NET1: variants seen among roughly 807,000 people sequenced by gnomAD.
NET1 encodes the protein neuroepithelial cell-transforming gene 1 protein.
NET1 carries 42 observed loss-of-function variants against 61.1 expected under a neutral mutation model. The ratio of observed to expected loss-of-function variants is 0.69; its 90% CI spans 0.54 to 0.89. NET1 has a LOEUF of 0.89. Among genes scored for constraint, NET1 ranks in the 40% least tolerant of loss-of-function variants. The probability of loss-of-function intolerance (pLI) is 0.00; values close to 1 mark genes in which losing one functional copy is unlikely to be tolerated. For missense variants in NET1, 654 were observed against 747.3 expected (o/e 0.88, Z 1.46); for synonymous variants, 254 against 281.8 (o/e 0.90, Z 0.99).
chr10:5,431,408 T>C lies in NET1; in HGVS notation c.255+2179T>C, dbSNP rs1001089475. On this transcript the variant is annotated intron_variant, in intron 3 of 11. Transcript: ENST00000355029. The surrounding 1 kb of genome is among the most constrained non-coding windows in gnomAD (Gnocchi z 4.9). ...GATCCAGTGTGGGTTTTTTGGGCCATGTACTTACCTCAAAAAGTATGTAAT... is the reference window on the plus strand; with the variant it reads ...GATCCAGTGTGGGTTTTTTGGGCCACGTACTTACCTCAAAAAGTATGTAAT... Among the ~76,000 whole-genome samples the C allele has an allele frequency of 1.3e-5, 2 of 152,108 alleles. No individual in the cohort carries two copies. The highest frequency in any genetic ancestry group is 2.9e-5 in the Non-Finnish European group (2 of 68,014).
chr10:5,442,298 A>G (rs1252572314), intron 3 of NET1, among the ~76,000 whole-genome samples: 5 of 152,204 alleles, frequency 3.3e-5, no homozygotes, highest in Admixed American at 6.5e-5. Flanking sequence ...TGCCTGTAGT[A>G]TGGCTTCCCT....
In NET1 at chr10:5,416,363, T is replaced by G. The variant is rs1440310983; in HGVS notation, c.128+3543T>G. 6.6e-6 allele frequency among the ~76,000 whole-genome samples: 1 copy of G among 152,174 alleles called. No homozygotes were observed. Among genetic ancestry groups the G allele is most frequent in the Admixed American group, 6.5e-5 (1 of 15,274 alleles). On this transcript the variant is annotated intron_variant, in intron 1 of 11. Transcript: ENST00000355029. The surrounding 1 kb of genome is among the most constrained non-coding windows in gnomAD (Gnocchi z 6.1). ...TACTTTGTTCTTTTTTTCCCAAGAT[T>G]GTTGTGGCTATCCTGGGTCTCCTGC...
chr10:5,456,381 C>A lies in NET1; in HGVS notation c.1384+108C>A. 8.5e-7 allele frequency: 1 copy of A among 1,170,204 alleles called. No individual in the cohort carries two copies. Among genetic ancestry groups the A allele is most frequent in the South Asian group, 1.6e-5 (1 of 60,668 alleles). The allele number at this position is 1,170,204 out of a possible 1,614,324, so 72.5% of individuals were successfully genotyped here. ...GATGAAATGGCTCCATTGTCCTATA[C>A]TTGTTACATCCATTGAGTTGTCCAG... On this transcript the variant is annotated intron_variant, in intron 11 of 11. Coordinates refer to ENST00000355029, the MANE Select transcript of NET1 (RefSeq NM_001047160.3). This position sits in a 1 kb window ranked among gnomAD's most constrained non-coding sequence, Gnocchi z 7.0.
chr10:5,419,674 C>G (rs1342327335), intron 1 of NET1, among the ~76,000 whole-genome samples: 1 of 117,978 alleles, frequency 8.5e-6, no homozygotes, highest in Non-Finnish European at 1.8e-5. Context: ...AGTCCGCTAC[C>G]AACAAATTCT....
At chr10:5,428,098 TG>T (rs1449012580) in intron 2 of NET1, among the ~76,000 whole-genome samples, 51 of 149,340 alleles carry the variant, frequency 3.4e-4, no homozygotes, top group Non-Finnish European at 6.7e-4. Context: ...TGTTCAATTT[TG>T]ATTCAATTCC....
rs143292448 is a variant in NET1, at chr10:5,436,838, C to T, written c.255+7609C>T. On this transcript the variant is annotated intron_variant, in intron 3 of 11. Transcript: ENST00000355029. ...TACCTAGCTTACTGTTGCCCTCCAC[C>T]TGCACTTTGATTTAGCTATGATTTC... Among the ~76,000 whole-genome samples the T allele has an allele frequency of 8.7e-4, 133 of 152,248 alleles. 1 individual carries two copies. The East Asian group carries it at 0.019, about 21-fold the overall frequency.
Position 5,449,975 on chromosome 10 carries a change from G to A in NET1, c.256-1855G>A, listed in dbSNP as rs1832678275. 6.6e-6 allele frequency among the ~76,000 whole-genome samples: 1 copy of A among 152,156 alleles called. No homozygotes were observed. Among genetic ancestry groups the A allele is most frequent in the Admixed American group, 6.5e-5 (1 of 15,286 alleles). On this transcript the variant is annotated intron_variant, in intron 3 of 11. Coordinates refer to ENST00000355029, the MANE Select transcript of NET1 (RefSeq NM_001047160.3). This position sits in a 1 kb window ranked among gnomAD's most constrained non-coding sequence, Gnocchi z 4.4. ...ATGTCGGCATTTCTTACTCTGTGAG[G>A]TAATTCTATCTTCAGTCCAACAGGA...
chr10:5,455,193 C>A lies in NET1; in HGVS notation c.1197+75C>A. 1 of 1,447,854 alleles carries A rather than the reference C, an allele frequency of 6.9e-7. No homozygotes were observed. The highest frequency in any genetic ancestry group is 9.6e-7 in the Non-Finnish European group (1 of 1,039,566). The allele number at this position is 1,447,854 out of a possible 1,614,324, so 89.7% of individuals were successfully genotyped here. A position where few individuals can be genotyped will look rare whatever the true frequency, so the allele number is the denominator to read the frequency against. ...TAACTTTTACACGTTTGTTATGAAG[C>A]AGGCTTGTAAAGGGAAAGTCATGAC... is the stretch of plus-strand genomic sequence containing the variant. On this transcript the variant is annotated intron_variant, in intron 10 of 11. Coordinates refer to ENST00000355029, the MANE Select transcript of NET1 (RefSeq NM_001047160.3). This position sits in a 1 kb window ranked among gnomAD's most constrained non-coding sequence, Gnocchi z 6.5.
rs150700315 is a variant in NET1, at chr10:5,443,192, G to T, written c.256-8638G>T. ...TATGGGTTATCTTCATCTGGACAGTGTCACAACAGCTGAGCAGAACAGAGT... is the reference window on the plus strand; with the variant it reads ...TATGGGTTATCTTCATCTGGACAGTTTCACAACAGCTGAGCAGAACAGAGT... On this transcript the variant is annotated intron_variant, in intron 3 of 11. Transcript: ENST00000355029. This position sits in a 1 kb window ranked among gnomAD's most constrained non-coding sequence, Gnocchi z 4.8. Among the ~76,000 whole-genome samples the T allele has an allele frequency of 4.3e-3, 650 of 152,288 alleles. 6 individuals are homozygous for T. Among genetic ancestry groups the T allele is most frequent in the African/African-American group, 0.015 (625 of 41,544 alleles).
At chr10:5,436,045 A>G (rs1832423285) in intron 3 of NET1, among the ~76,000 whole-genome samples, 1 of 148,614 alleles carries the variant, frequency 6.7e-6, no homozygotes, top group Non-Finnish European at 1.5e-5. Context: ...TAACTCTGAT[A>G]GTTAGTGATT....
chr10:5,443,276 G>C lies in NET1; in HGVS notation c.256-8554G>C, dbSNP rs965833815. 2.6e-5 allele frequency among the ~76,000 whole-genome samples: 4 copies of C among 152,128 alleles called. No homozygotes were observed. The highest frequency in any genetic ancestry group is 9.7e-5 in the African/African-American group (4 of 41,406). ...ACCTTTGGACAAGTTTCTTAAACTT[G>C]GTCAGTCCTAGTTTCCTCCTTCTCT... On this transcript the variant is annotated intron_variant, in intron 3 of 11. Coordinates refer to ENST00000355029, the MANE Select transcript of NET1 (RefSeq NM_001047160.3). This position sits in a 1 kb window ranked among gnomAD's most constrained non-coding sequence, Gnocchi z 4.8.
rs928870017 is a variant in NET1, at chr10:5,420,096, G to GT, written c.129-6552dup. Among the ~76,000 whole-genome samples the GT allele has an allele frequency of 6.6e-6, 1 of 152,098 alleles. No individual in the cohort carries two copies. The highest frequency in any genetic ancestry group is 1.5e-5 in the Non-Finnish European group (1 of 67,998). The stretch of plus-strand genomic sequence containing the variant: ...AAGCTTCAGCCATTGTTTCTCTGAA[G>GT]TTTTTTTCTGCTCTTTTCTCTTTTC... On this transcript the variant is annotated intron_variant, in intron 1 of 11. Transcript: ENST00000355029. The surrounding 1 kb of genome is among the most constrained non-coding windows in gnomAD (Gnocchi z 5.3).
Position 5,426,493 on chromosome 10 carries a change from T to TTA in NET1, c.129-151_129-150dup, listed in dbSNP as rs1231653245. On this transcript the variant is annotated intron_variant, in intron 1 of 11. Coordinates refer to ENST00000355029, the MANE Select transcript of NET1 (RefSeq NM_001047160.3). The surrounding 1 kb of genome is among the most constrained non-coding windows in gnomAD (Gnocchi z 4.6). ...AACCTATACCCTGTTTGTTTGTTTT[T>TTA]TATATATATATAGACCATCTCTCAT... 6.6e-6 allele frequency among the ~76,000 whole-genome samples: 1 copy of TTA among 152,002 alleles called. No homozygotes were observed. Among genetic ancestry groups the TTA allele is most frequent in the African/African-American group, 2.4e-5 (1 of 41,398 alleles).
intron 3 of NET1, among the ~76,000 whole-genome samples, chr10:5,436,702 A>C (rs1176440213): frequency 1.3e-5 from 2 of 152,184 alleles, no homozygotes; most frequent in African/African-American, 4.8e-5. Context: ...TAACATTCCA[A>C]ATACCACTTT....
At chr10:5,419,076 A>G (rs1302138919) in intron 1 of NET1, among the ~76,000 whole-genome samples, 1 of 152,182 alleles carries the variant, frequency 6.6e-6, no homozygotes, top group Non-Finnish European at 1.5e-5. Context: ...ATATGCACAT[A>G]TGTTTGTAAT....
intron 3 of NET1, among the ~76,000 whole-genome samples, chr10:5,448,894 T>C (rs1832661840): frequency 6.6e-6 from 1 of 152,126 alleles, no homozygotes; most frequent in African/African-American, 2.4e-5. Context: ...TATCTAAATA[T>C]TGTATTAGGA....
At chr10:5,429,389 C>T (rs1301846896) in intron 3 of NET1, among the ~76,000 whole-genome samples, 160 bp downstream of exon 3, 6 of 151,940 alleles carry the variant, frequency 3.9e-5, no homozygotes, top group African/African-American at 4.8e-5. Context: ...TCATAGACAC[C>T]GTCTTTTTTG....
In NET1 at chr10:5,456,716, T is replaced by C. The variant is rs761104612; in HGVS notation, c.1513T>C (p.Ser505Pro). The C allele has an allele frequency of 6.2e-7, 1 of 1,614,156 alleles. No homozygotes were observed. Among genetic ancestry groups the C allele is most frequent in the Non-Finnish European group, 8.5e-7 (1 of 1,180,032 alleles). The change falls in exon 12 of 12, where the codon TCG (serine) becomes CCG (proline). Residue 505 changes from serine to proline, a missense_variant. Physicochemically the swap from Ser to Pro is moderately conservative, Grantham distance 74. Coordinates refer to ENST00000355029, the MANE Select transcript of NET1 (RefSeq NM_001047160.3). The surrounding 1 kb of genome is among the most constrained non-coding windows in gnomAD (Gnocchi z 7.0). ...TCGAGCGGCCATTGCCCCCTTCCAG[T>C]CGGCAGGCAGTCCACCTGAGCTGCA... ...CIRAAIAPFQ[S>P]AGSPPELQGL...
At chr10:5,434,895 A>G (rs1345811848) in intron 3 of NET1, among the ~76,000 whole-genome samples, 1 of 152,114 alleles carries the variant, frequency 6.6e-6, no homozygotes, top group Non-Finnish European at 1.5e-5. Flanking sequence ...TAAAATATTA[A>G]TATCCTCATC....
Sources: allele counts gnomAD v4.1 joint callset (sites outside exome capture counted in the v4.1 genomes callset), GRCh38; gene constraint gnomAD v4.1.1; non-coding constraint Gnocchi (gnomAD v3.1); transcripts MANE v1.5; gene names NCBI Gene and HGNC (gene_info 2026-07-23, HGNC 2026-07-21).